The following RASGRF2 variants were observed in gnomAD, a reference collection of about 807,000 sequenced individuals.
RASGRF2 encodes Ras protein specific guanine nucleotide releasing factor 2.
A neutral mutation model predicts 151.0 loss-of-function variants in RASGRF2; 76 were observed. That is an observed-to-expected ratio of 0.50 (90% CI 0.42 to 0.61). RASGRF2 has a LOEUF of 0.61. Ranked by LOEUF, RASGRF2 falls within the 20% of genes least tolerant of loss-of-function variation. RASGRF2 has a pLI of 0.00. For missense variants in RASGRF2, 1,148 were observed against 1,564.6 expected, an observed-to-expected ratio of 0.73 and a Z score of 4.49; for synonymous variants, 504 against 566.5, an observed-to-expected ratio of 0.89 and a Z score of 1.57.
chr5:80,987,397 A>G (rs1442161598), intron 1 of RASGRF2, among the ~76,000 whole-genome samples: 4 of 152,188 alleles, frequency 2.6e-5, no homozygotes, highest in African/African-American at 9.7e-5. Flanking sequence ...AATAAAACAC[A>G]TTGGTTGAAT....
intron 1 of RASGRF2, among the ~76,000 whole-genome samples, chr5:80,969,740 T>TG (rs1017374909): frequency 1.4e-5 from 2 of 147,956 alleles, no homozygotes; most frequent in African/African-American, 5.0e-5. Context: ...CGTGAGCCAC[T>TG]GCGCCTGGCT....
At chr5:81,164,520 A>G (rs538888710) in intron 17 of RASGRF2, among the ~76,000 whole-genome samples, 1 of 152,188 alleles carries the variant, frequency 6.6e-6, no homozygotes, top group South Asian at 2.1e-4. Flanking sequence ...ATTTATATTA[A>G]CCAAATATTT....
At chr5:81,140,765 A>G (rs248989) in intron 17 of RASGRF2, among the ~76,000 whole-genome samples, 62,603 of 151,994 alleles carry the variant, frequency 0.41, 14,441 homozygotes, top group East Asian at 0.82. Context: ...GCTCTCTTCT[A>G]TTACTGTCTC....
intron 12 of RASGRF2, among the ~76,000 whole-genome samples, chr5:81,105,738 A>T (rs1241174602): frequency 6.6e-6 from 1 of 152,098 alleles, no homozygotes; most frequent in African/African-American, 2.4e-5. Context: ...TCGCTGGGTG[A>T]AGGAGCACTT....
At chr5:81,195,998 C>T (rs747536266) in intron 18 of RASGRF2, among the ~76,000 whole-genome samples, 22 of 152,356 alleles carry the variant, frequency 1.4e-4, no homozygotes, top group Admixed American at 3.3e-4. Context: ...GTGGCTCACG[C>T]GTGTAACTGC....
At chr5:81,114,879 A>G (rs761453651) in intron 15 of RASGRF2, 1 of 152,252 alleles carries the variant, frequency 6.6e-6, no homozygotes, top group Non-Finnish European at 1.5e-5. Flanking sequence ...AATGAATGAA[A>G]TAAAATATAC....
Position 80,997,164 on chromosome 5 carries a change from C to G in RASGRF2, c.288+36138C>G, listed in dbSNP as rs143114418. The G allele has an allele frequency of 1.8e-3, 279 of 152,260 alleles. 1 individual carries two copies. The highest frequency in any genetic ancestry group is 6.3e-3 in the African/African-American group (261 of 41,556). 9.4% of individuals were successfully genotyped at this position (152,260 alleles called of 1,614,324 possible). A position where few individuals can be genotyped will look rare whatever the true frequency, so the allele number is the denominator to read the frequency against. ...GGTTTTCCCTCTAGGTAAGGAGTTG[C>G]AGGTGCAAACAGGATGTCTTAGCAA... On this transcript the variant is annotated intron_variant, in intron 1 of 26. Transcript: ENST00000265080.
chr5:81,165,080 C>T (rs1325609398), intron 17 of RASGRF2, among the ~76,000 whole-genome samples: 1 of 152,168 alleles, frequency 6.6e-6, no homozygotes, highest in Non-Finnish European at 1.5e-5. Context: ...TGCCCTTGAA[C>T]GGTGGGCGTT....
At position 81,180,248 on chromosome 5, in the gene RASGRF2, C is replaced by T. The variant is rs768293078; in HGVS notation, c.2760C>T (p.Asn920=). ...GAACGGCTACCAATCGAGTTCTGAA[C>T]GTCCTCCGTCACTGGGTCTCAAAGC... is the stretch of plus-strand genomic sequence containing the variant. ...IRRTATNRVL[N]VLRHWVSKHA... is the part of the protein sequence containing the mutation. Residue 920 remains asparagine (N), a synonymous_variant, in exon 18 of 27, where the codon AAC becomes AAT. Coordinates refer to ENST00000265080, the MANE Select transcript of RASGRF2 (RefSeq NM_006909.3). 2 of 1,611,214 alleles carry T rather than the reference C, an allele frequency of 1.2e-6. No homozygotes were observed. The highest frequency in any genetic ancestry group is 1.7e-5 in the Admixed American group (1 of 59,922).
intron 17 of RASGRF2, among the ~76,000 whole-genome samples, chr5:81,167,153 C>T (rs1490347338): frequency 3.3e-5 from 5 of 152,128 alleles, no homozygotes; most frequent in Admixed American, 6.5e-5. Flanking sequence ...GGTAGAGTGA[C>T]GGATACAAGG....
intron 1 of RASGRF2, chr5:80,997,784 A>G (rs1326070295): frequency 2.0e-5 from 3 of 151,962 alleles, no homozygotes; most frequent in Non-Finnish European, 4.4e-5. Flanking sequence ...CCTGGCTAAC[A>G]CGGTGAAACC....
chr5:81,150,082 T>A (rs764633686), intron 17 of RASGRF2, among the ~76,000 whole-genome samples: 1 of 152,178 alleles, frequency 6.6e-6, no homozygotes, highest in Non-Finnish European at 1.5e-5. Flanking sequence ...GGACTCTGAT[T>A]GCTGGTGTCT....
chr5:81,014,394 T>G (rs1749564038), intron 1 of RASGRF2, among the ~76,000 whole-genome samples: 3 of 152,194 alleles, frequency 2.0e-5, no homozygotes, highest in Admixed American at 6.5e-5. Flanking sequence ...CTTATGTGGA[T>G]GGTGGCAGGC....
intron 18 of RASGRF2, among the ~76,000 whole-genome samples, chr5:81,199,416 G>A (rs1160176786): frequency 1.3e-5 from 2 of 152,218 alleles, no homozygotes; most frequent in Admixed American, 6.5e-5. Flanking sequence ...CATCATGGGG[G>A]ATGGTAACTT....
intron 5 of RASGRF2, among the ~76,000 whole-genome samples, chr5:81,074,141 A>C (rs1751867548): frequency 6.6e-6 from 1 of 152,164 alleles, no homozygotes; most frequent in Non-Finnish European, 1.5e-5. Context: ...AGCTCTGGTG[A>C]ATTTATTTGC....
chr5:81,192,430 C>T (rs532111652), intron 18 of RASGRF2, among the ~76,000 whole-genome samples: 12 of 152,274 alleles, frequency 7.9e-5, no homozygotes, highest in African/African-American at 2.9e-4. Context: ...AACAATGAGG[C>T]TTTTAAAATA....
chr5:81,116,555 TCTC>T (rs1219744266), intron 15 of RASGRF2, among the ~76,000 whole-genome samples: 8 of 151,776 alleles, frequency 5.3e-5, no homozygotes, highest in African/African-American at 1.9e-4. Flanking sequence ...GAATCTTTCT[TCTC>T]CTCCTTCTTC....
At chr5:81,199,973 A>G (rs1042760007) in intron 18 of RASGRF2, among the ~76,000 whole-genome samples, 3 of 151,236 alleles carry the variant, frequency 2.0e-5, no homozygotes, top group Non-Finnish European at 4.4e-5. Context: ...GAATTCTACT[A>G]TAAAGAATAG....
intron 1 of RASGRF2, among the ~76,000 whole-genome samples, chr5:80,968,343 T>TCTCC (rs56375603): frequency 0.076 from 11,169 of 146,724 alleles, 452 homozygotes; most frequent in Non-Finnish European, 0.09. Flanking sequence ...GTTTTATCTG[T>TCTCC]CTCCATGTGT....
Sources: gnomAD v4.1 joint callset for allele counts (sites outside exome capture counted in the v4.1 genomes callset) on GRCh38, gnomAD v4.1.1 for gene constraint, MANE v1.5 for transcripts, NCBI Gene and HGNC (gene_info 2026-07-23, HGNC 2026-07-21) for gene names.